The following ITGB6 variants were observed in gnomAD, a reference collection of about 807,000 sequenced individuals.
ITGB6 encodes integrin beta-6.
Under a neutral mutation model 84.5 loss-of-function variants are expected in ITGB6, and 80 were observed. The ratio of observed to expected loss-of-function variants is 0.95; its 90% CI spans 0.79 to 1.14. The LOEUF is 1.14. ITGB6 is among the 50% of genes most tolerant of loss of function. The pLI is 0.00. For synonymous variants in ITGB6, 383 were observed against 354.9 expected, an observed-to-expected ratio of 1.08 and a Z score of -0.89; for missense variants, 1,006 against 968.0, an observed-to-expected ratio of 1.04 and a Z score of -0.52.
intron 12 of ITGB6, among the ~76,000 whole-genome samples, chr2:160,120,213 C>T (rs539560514): frequency 7.9e-4 from 120 of 151,980 alleles, no homozygotes; most frequent in African/African-American, 2.7e-3. Context: ...AAGACACATG[C>T]ACACGTATGT....
rs552791527 is a variant in ITGB6 at position 160,123,856 on chromosome 2, C to T, written c.1916G>A (p.Gly639Asp). Residue 639 changes from glycine to aspartate, a missense_variant, in exon 12 of 15, where the codon GGC (glycine) becomes GAC (aspartate). Transcript: ENST00000283249. Reference sequence around the variant, plus strand: ...GTCCACACATTCTTCTCGGGCTTGGCCAGCTGCTGACAGGTGGCACTCAAT... The same window carrying T: ...GTCCACACATTCTTCTCGGGCTTGGTCAGCTGCTGACAGGTGGCACTCAAT... ...SCIECHLSAAGQAREECVDKC... is the reference protein window; with the variant it reads ...SCIECHLSAADQAREECVDKC... The T allele has an allele frequency of 1.2e-6, 2 of 1,613,886 alleles. No homozygotes were observed. The highest frequency in any genetic ancestry group is 2.2e-5 in the South Asian group (2 of 91,068).
rs573746050 is a variant in ITGB6 at position 160,199,160 on chromosome 2, T to C, written c.141+19A>G. 6.3e-6 allele frequency: 10 copies of C among 1,596,544 alleles called. No individual in the cohort carries two copies. Among genetic ancestry groups the C allele is most frequent in the Non-Finnish European group, 8.6e-6 (10 of 1,164,246 alleles). ...ACTGCAGACAGGTTTTAAAAACACA[T>C]TGAGGTCATTTATTTTACCTCCTGA... On this transcript the variant is annotated intron_variant, in intron 2 of 14. Coordinates refer to ENST00000283249, the MANE Select transcript of ITGB6 (RefSeq NM_000888.5).
rs1266005594 is a variant in ITGB6, at chr2:160,115,847, G to A, written c.1982-3648C>T. On this transcript the variant is annotated intron_variant, in intron 12 of 14. Transcript: ENST00000283249. ...CTGATGGAGCTGAAAGCCAAGGCTC[G>A]AGAACTACGTGAAGAATGCAGAAGC... Among the ~76,000 whole-genome samples, 8 of 152,100 alleles carry A rather than the reference G, an allele frequency of 5.3e-5. No homozygotes were observed. In the East Asian group the frequency reaches 1.3e-3, roughly 26 times the overall value.
intron 4 of ITGB6, among the ~76,000 whole-genome samples, chr2:160,182,335 T>C (rs62175394): frequency 0.018 from 2,711 of 152,196 alleles, 44 homozygotes; most frequent in Middle Eastern, 0.024. Context: ...GCACGAGAAC[T>C]TCATGAAGCA....
At chr2:160,170,697 A>T (rs1470242785) in intron 6 of ITGB6, among the ~76,000 whole-genome samples, 2 of 152,220 alleles carry the variant, frequency 1.3e-5, no homozygotes, top group Non-Finnish European at 2.9e-5. Flanking sequence ...TTTTGAGTAC[A>T]CAGGAAGTGC....
intron 7 of ITGB6, among the ~76,000 whole-genome samples, chr2:160,155,289 C>A (rs1229094145): frequency 2.0e-5 from 3 of 151,994 alleles, no homozygotes; most frequent in Non-Finnish European, 4.4e-5. Flanking sequence ...TGAGTGGTTG[C>A]CAGAGGTTGG....
intron 10 of ITGB6, among the ~76,000 whole-genome samples, chr2:160,132,328 A>AG (rs1306844350): frequency 1.3e-5 from 2 of 152,114 alleles, no homozygotes; most frequent in African/African-American, 2.4e-5. Flanking sequence ...CACTCTCTGG[A>AG]GGGAAAAAAG....
intron 7 of ITGB6, among the ~76,000 whole-genome samples, chr2:160,145,886 G>C (rs1160405000): frequency 1.3e-5 from 2 of 152,170 alleles, no homozygotes; most frequent in African/African-American, 4.8e-5. Flanking sequence ...TGCTCCGACT[G>C]TATCTCCTGT....
chr2:160,151,688 A>T (rs911949397), intron 7 of ITGB6, among the ~76,000 whole-genome samples: 4 of 152,196 alleles, frequency 2.6e-5, no homozygotes, highest in African/African-American at 9.6e-5. Context: ...AACAAAATTG[A>T]TAGACCACTA....
rs1020515928 is a variant in ITGB6, at chr2:160,190,486, G to C, written c.593+4883C>G. 2.0e-5 allele frequency among the ~76,000 whole-genome samples: 3 copies of C among 152,256 alleles called. No homozygotes were observed. In the East Asian group the frequency reaches 5.8e-4, roughly 29 times the overall value. On this transcript the variant is annotated intron_variant, in intron 4 of 14. Transcript: ENST00000283249. ...AATATATGAATCAAGACTGAATCCA[G>C]GGCTGACTCCAAAGCCCTTGTGGTT...
At chr2:160,146,548 T>A (rs965757728) in intron 7 of ITGB6, among the ~76,000 whole-genome samples, 2 of 152,242 alleles carry the variant, frequency 1.3e-5, no homozygotes, top group African/African-American at 2.4e-5. Flanking sequence ...TTGGCTTACA[T>A]AGACTGAGAA....
intron 13 of ITGB6, among the ~76,000 whole-genome samples, chr2:160,109,690 G>A (rs145207750): frequency 9.8e-5 from 15 of 152,316 alleles, no homozygotes; most frequent in Admixed American, 7.2e-4. Context: ...GGATTTCTAC[G>A]TGGAAGAAGA....
chr2:160,199,794 C>T (rs1017293218), intron 1 of ITGB6, among the ~76,000 whole-genome samples: 9 of 152,192 alleles, frequency 5.9e-5, no homozygotes, highest in Non-Finnish European at 1.3e-4. Context: ...AATGCCTGTG[C>T]AACCTTTGTA....
intron 7 of ITGB6, among the ~76,000 whole-genome samples, chr2:160,167,431 T>C (rs1685034254): frequency 6.6e-6 from 1 of 152,142 alleles, no homozygotes; most frequent in South Asian, 2.1e-4. Flanking sequence ...CGGTCAGTCA[T>C]AGAGTGGGTG....
chr2:160,116,533 C>A (rs1250793658), intron 12 of ITGB6, among the ~76,000 whole-genome samples: 1 of 152,294 alleles, frequency 6.6e-6, no homozygotes, highest in South Asian at 2.1e-4. Flanking sequence ...TGGAAAGGAA[C>A]AACTGGTACC....
chr2:160,148,613 G>A (rs1456058536), intron 7 of ITGB6, among the ~76,000 whole-genome samples: 3 of 152,200 alleles, frequency 2.0e-5, no homozygotes, highest in Non-Finnish European at 4.4e-5. Context: ...AAAGGGTGCA[G>A]CTGACAGAGG....
intron 7 of ITGB6, among the ~76,000 whole-genome samples, chr2:160,163,706 GTTCAATTGTGAGTTATCTCAGTGA>G (rs1028038883): frequency 9.2e-5 from 14 of 152,130 alleles, no homozygotes; most frequent in African/African-American, 2.7e-4. Context: ...ACTATAGCAG[GTTCAATTGTGAGTTATCTCAGTGA>G]TTCAATTGTG....
intron 11 of ITGB6, among the ~76,000 whole-genome samples, chr2:160,124,520 C>G (rs1262730788): frequency 6.6e-6 from 1 of 152,280 alleles, no homozygotes; most frequent in East Asian, 1.9e-4. Context: ...CCAAGAACAT[C>G]ATCCAAGAAT....
At chr2:160,159,746 C>G (rs1211227490) in intron 7 of ITGB6, among the ~76,000 whole-genome samples, 1 of 152,214 alleles carries the variant, frequency 6.6e-6, no homozygotes, top group Non-Finnish European at 1.5e-5. Flanking sequence ...CTCATTATCA[C>G]TTCTGGAAAG....
Sources: allele counts gnomAD v4.1 joint callset (sites outside exome capture counted in the v4.1 genomes callset), GRCh38; gene constraint gnomAD v4.1.1; transcripts MANE v1.5; gene names NCBI Gene and HGNC (gene_info 2026-07-23, HGNC 2026-07-21).